HS3ST4: variants seen among roughly 807,000 people sequenced by gnomAD.
HS3ST4 encodes heparan sulfate glucosamine 3-O-sulfotransferase 4.
In HS3ST4, 17 loss-of-function variants were observed where a neutral mutation model predicts 29.2. The ratio of observed to expected loss-of-function variants is 0.58; its 90% confidence interval spans 0.40 to 0.87. HS3ST4 has a LOEUF of 0.87. HS3ST4 is among the 40% of genes least tolerant of loss of function. The probability of loss-of-function intolerance (pLI) is 0.00; values close to 1 mark genes in which losing one functional copy is unlikely to be tolerated. For synonymous variants in HS3ST4, 314 were observed against 285.7 expected (o/e 1.10, Z -1.00); for missense variants, 627 against 634.5 (o/e 0.99, Z 0.13).
At chr16:25,845,647 GTAATAA>G (rs60639924) in intron 1 of HS3ST4, among the ~76,000 whole-genome samples, 33,990 of 143,222 alleles carry the variant, frequency 0.24, 4,918 homozygotes, top group Admixed American at 0.32. Context: ...GGAATAGCAT[GTAATAA>G]TAATAATAAT....
rs188873547 is a variant in HS3ST4, at chr16:25,926,882, C to T, written c.735-208730C>T. Among the ~76,000 whole-genome samples, 400 of 152,140 alleles carry T rather than the reference C, an allele frequency of 2.6e-3. 2 individuals are homozygous for T. Among genetic ancestry groups the T allele is most frequent in the Non-Finnish European group, 3.2e-3 (215 of 68,008 alleles). On this transcript the variant is annotated intron_variant, in intron 1 of 1. Coordinates refer to ENST00000331351, the MANE Select transcript of HS3ST4 (RefSeq NM_006040.3). ...GGTCTGTATCCTTTAGATTTCAGTT[C>T]GTGTTTTGGTTAGCAAGCACCCCCA... is the stretch of plus-strand genomic sequence containing the variant.
chr16:26,056,488 G>A (rs1361756479), intron 1 of HS3ST4, among the ~76,000 whole-genome samples: 5 of 152,212 alleles, frequency 3.3e-5, no homozygotes, highest in Admixed American at 6.5e-5. Flanking sequence ...CCAACCCACA[G>A]TCAGGAGCAG....
At chr16:25,860,166 C>T (rs1334082434) in intron 1 of HS3ST4, among the ~76,000 whole-genome samples, 1 of 152,102 alleles carries the variant, frequency 6.6e-6, no homozygotes, top group African/African-American at 2.4e-5. Context: ...GGGTTGAGAC[C>T]CCTGCTATTA....
chr16:25,887,027 C>T (rs1333114125), intron 1 of HS3ST4: 1 of 152,032 alleles, frequency 6.6e-6, no homozygotes, highest in African/African-American at 2.4e-5. Context: ...GGTGTGAGAG[C>T]TTCTAGGATT....
intron 1 of HS3ST4, among the ~76,000 whole-genome samples, chr16:26,048,971 T>C (rs957025915): frequency 6.6e-6 from 1 of 152,148 alleles, no homozygotes; most frequent in African/African-American, 2.4e-5. Context: ...ATGTCCCTTA[T>C]TGAGAAAAAA....
At chr16:25,865,727 A>C (rs965495131) in intron 1 of HS3ST4, among the ~76,000 whole-genome samples, 2 of 152,214 alleles carry the variant, frequency 1.3e-5, no homozygotes, top group African/African-American at 4.8e-5. Flanking sequence ...TAGGGAAAGG[A>C]CAGCCTCTTC....
At chr16:26,010,165 A>G (rs1296974605) in intron 1 of HS3ST4, among the ~76,000 whole-genome samples, 2 of 152,190 alleles carry the variant, frequency 1.3e-5, no homozygotes, top group African/African-American at 4.8e-5. Flanking sequence ...TTAAAATGTG[A>G]AAATGTGGCC....
At chr16:25,824,458 A>T (rs1480861929) in intron 1 of HS3ST4, among the ~76,000 whole-genome samples, 1 of 152,202 alleles carries the variant, frequency 6.6e-6, no homozygotes, top group East Asian at 1.9e-4. Flanking sequence ...GGCGGAAGGC[A>T]AAGGAGGAGA....
intron 1 of HS3ST4, among the ~76,000 whole-genome samples, chr16:26,134,367 T>C (rs867472725): frequency 3.6e-5 from 5 of 138,790 alleles, no homozygotes; most frequent in Non-Finnish European, 6.1e-5. Context: ...CTTTTCTTTT[T>C]TTTTTTTTTG....
chr16:25,730,136 A>G (rs1464199021), intron 1 of HS3ST4, among the ~76,000 whole-genome samples: 1 of 152,150 alleles, frequency 6.6e-6, no homozygotes, highest in African/African-American at 2.4e-5. Flanking sequence ...TGCAGTCTCA[A>G]TGGCGGCATG....
At chr16:26,012,798 T>C (rs1016538571) in intron 1 of HS3ST4, among the ~76,000 whole-genome samples, 1 of 152,132 alleles carries the variant, frequency 6.6e-6, no homozygotes, top group Admixed American at 6.5e-5. Context: ...AAATAAGAAA[T>C]TCACAGTAAA....
At chr16:25,997,476 C>T (rs1013804183) in intron 1 of HS3ST4, among the ~76,000 whole-genome samples, 9 of 152,150 alleles carry the variant, frequency 5.9e-5, no homozygotes, top group Admixed American at 2.6e-4. Context: ...CTGAAAAGTT[C>T]AGACTGACTT....
chr16:26,044,069 T>C (rs1471340310), intron 1 of HS3ST4, among the ~76,000 whole-genome samples: 2 of 152,222 alleles, frequency 1.3e-5, no homozygotes, highest in Non-Finnish European at 2.9e-5. Context: ...AGCTGGTAAG[T>C]GGTGTTGGTG....
At chr16:25,834,420 G>A (rs1456707578) in intron 1 of HS3ST4, among the ~76,000 whole-genome samples, 2 of 152,174 alleles carry the variant, frequency 1.3e-5, no homozygotes, top group Non-Finnish European at 2.9e-5. Context: ...AAGAATGTTG[G>A]ATGGGAAGTA....
chr16:25,800,064 GCCTTCCTTCCTT>G (rs375409683), intron 1 of HS3ST4, among the ~76,000 whole-genome samples: 2 of 147,634 alleles, frequency 1.4e-5, no homozygotes, highest in Admixed American at 6.8e-5. Flanking sequence ...TTGCCTTCCT[GCCTTCCTTCCTT>G]CCTTCCTTCC....
At position 25,773,059 on chromosome 16, in the gene HS3ST4, A is replaced by G. The variant is rs74012475; in HGVS notation, c.734+79908A>G. 4.8e-3 allele frequency among the ~76,000 whole-genome samples: 730 copies of G among 152,352 alleles called. 3 individuals carry two copies. The highest frequency in any genetic ancestry group is 0.017 in the African/African-American group (702 of 41,578). ...AGAAGAAATTGGATCAGACAACCAT[A>G]CATAGCGATACATGCCACATACCGT... On this transcript the variant is annotated intron_variant, in intron 1 of 1. Coordinates refer to ENST00000331351, the MANE Select transcript of HS3ST4 (RefSeq NM_006040.3).
chr16:25,870,784 C>G (rs772659195), intron 1 of HS3ST4, among the ~76,000 whole-genome samples: 2 of 152,106 alleles, frequency 1.3e-5, no homozygotes, highest in Admixed American at 6.6e-5. Flanking sequence ...TGCAATAGTT[C>G]AGGCAAGAGA....
At chr16:25,886,980 G>A (rs1201367131) in intron 1 of HS3ST4, 1 of 152,266 alleles carries the variant, frequency 6.6e-6, no homozygotes, top group Non-Finnish European at 1.5e-5. Context: ...TTTTTGCTGT[G>A]TGAATATATT....
intron 1 of HS3ST4, among the ~76,000 whole-genome samples, chr16:25,917,927 C>T (rs933982266): frequency 1.3e-5 from 2 of 152,150 alleles, no homozygotes; most frequent in African/African-American, 4.8e-5. Flanking sequence ...CAGGGCAAAG[C>T]TTGCCCTGGG....
Sources: gnomAD v4.1 joint callset for allele counts (sites outside exome capture counted in the v4.1 genomes callset) on GRCh38, gnomAD v4.1.1 for gene constraint, MANE v1.5 for transcripts, NCBI Gene and HGNC (gene_info 2026-07-23, HGNC 2026-07-21) for gene names.